The following MAST2 variants were observed in gnomAD, a reference collection of about 807,000 sequenced individuals.
MAST2 encodes the protein microtubule-associated serine/threonine-protein kinase 2.
A neutral mutation model predicts 147.4 loss-of-function variants in MAST2; 70 were observed. The ratio of observed to expected loss-of-function variants is 0.47; its 90% CI spans 0.39 to 0.58. The LOEUF (loss-of-function observed/expected upper bound fraction) is 0.58. MAST2 is among the 20% of genes least tolerant of loss of function. The pLI is 0.00. For synonymous variants in MAST2, 869 were observed against 896.8 expected (o/e 0.97, Z 0.55); for missense variants, 2,080 against 2,302.3 (o/e 0.90, Z 1.98).
intron 10 of MAST2, among the ~76,000 whole-genome samples, chr1:46,014,237 C>T (rs1199477561): frequency 6.6e-6 from 1 of 151,602 alleles, no homozygotes; most frequent in Non-Finnish European, 1.5e-5. Flanking sequence ...AGGTTAGTTA[C>T]ATATGTATAC....
At chr1:46,028,741 G>A in intron 17 of MAST2, 27 bp from the exon 18 acceptor site, 1 of 1,613,626 alleles carries the variant, frequency 6.2e-7, no homozygotes, top group African/African-American at 1.3e-5. Context: ...TCAGGAGGCT[G>A]AGCCAGCCTG....
intron 10 of MAST2, among the ~76,000 whole-genome samples, chr1:46,012,856 G>A (rs141472597): frequency 6.6e-6 from 1 of 152,052 alleles, no homozygotes; most frequent in African/African-American, 2.4e-5. Context: ...TCACCATGTT[G>A]GCCAGGCTGG....
At chr1:45,905,252 C>T (rs1049657100) in intron 4 of MAST2, among the ~76,000 whole-genome samples, 1 of 150,462 alleles carries the variant, frequency 6.6e-6, no homozygotes, top group Admixed American at 6.6e-5. Context: ...TCTCAGCTCA[C>T]TGCAACCTCC....
intron 4 of MAST2, among the ~76,000 whole-genome samples, chr1:45,958,101 ATTCCAT>A (rs1312078071): frequency 7.9e-5 from 12 of 152,124 alleles, no homozygotes; most frequent in Non-Finnish European, 1.5e-5. Context: ...AGTGGAAGGC[ATTCCAT>A]GGTGACTGAG....
intron 4 of MAST2, among the ~76,000 whole-genome samples, chr1:45,886,971 G>C (rs143313137): frequency 6.6e-6 from 1 of 152,106 alleles, no homozygotes; most frequent in Non-Finnish European, 1.5e-5. Context: ...GGCACCACAG[G>C]CACCTGCCAC....
chr1:45,909,751 C>T (rs547557607), intron 4 of MAST2, among the ~76,000 whole-genome samples: 5 of 152,234 alleles, frequency 3.3e-5, no homozygotes, highest in African/African-American at 9.6e-5. Flanking sequence ...CTCTTGACCT[C>T]GTGATCCACC....
intron 4 of MAST2, among the ~76,000 whole-genome samples, chr1:45,929,006 G>A (rs984547810): frequency 1.8e-4 from 28 of 151,982 alleles, no homozygotes; most frequent in Admixed American, 3.3e-4. Flanking sequence ...TGGTTTGGTT[G>A]GGTTGAGGGG....
chr1:46,021,708 G>A (rs1184843681), intron 11 of MAST2, among the ~76,000 whole-genome samples: 2 of 152,232 alleles, frequency 1.3e-5, no homozygotes, highest in Non-Finnish European at 2.9e-5. Flanking sequence ...AAAACCTCTA[G>A]TTCTTACTGC....
At chr1:45,976,647 C>G (rs114864544) in intron 5 of MAST2, among the ~76,000 whole-genome samples, 1 of 152,004 alleles carries the variant, frequency 6.6e-6, no homozygotes, top group African/African-American at 2.4e-5. Flanking sequence ...GTGAATTGTA[C>G]GATAAAAATG....
At chr1:45,961,726 C>T (rs748609230) in intron 5 of MAST2, among the ~76,000 whole-genome samples, 10 of 152,194 alleles carry the variant, frequency 6.6e-5, no homozygotes, top group Non-Finnish European at 1.3e-4. Flanking sequence ...GATTGTTCCA[C>T]GCAGATCCCA....
rs556276100 is a variant in MAST2, at chr1:45,907,080, A to G, written c.500+24685A>G. ...TAGGCTATACCATCTAGGTTTATGC[A>G]GGTATACTCCATGATGTTCACATAA... On this transcript the variant is annotated intron_variant, in intron 4 of 28. Transcript: ENST00000361297. 5.3e-5 allele frequency among the ~76,000 whole-genome samples: 8 copies of G among 152,314 alleles called. No individual in the cohort carries two copies. The South Asian group carries it at 1.2e-3, about 24-fold the overall frequency.
intron 4 of MAST2, among the ~76,000 whole-genome samples, chr1:45,902,761 T>A (rs1649998599): frequency 6.6e-6 from 1 of 152,160 alleles, no homozygotes; most frequent in Non-Finnish European, 1.5e-5. Context: ...TTTCTCTGGT[T>A]TATGCTCATA....
intron 6 of MAST2, among the ~76,000 whole-genome samples, chr1:46,002,114 G>A (rs959956934): frequency 4.6e-5 from 7 of 152,088 alleles, no homozygotes; most frequent in Non-Finnish European, 7.4e-5. Flanking sequence ...GCGGGGTGGG[G>A]GGGCATGTTT....
intron 5 of MAST2, among the ~76,000 whole-genome samples, chr1:45,977,698 G>T (rs976613414): frequency 6.6e-5 from 10 of 151,746 alleles, no homozygotes; most frequent in Admixed American, 2.0e-4. Flanking sequence ...TACTCGGGAG[G>T]CTGAGGCAGG....
intron 4 of MAST2, among the ~76,000 whole-genome samples, chr1:45,954,873 G>A (rs2148883543): frequency 6.6e-6 from 1 of 152,278 alleles, no homozygotes; most frequent in Non-Finnish European, 1.5e-5. Flanking sequence ...TAAGGTTAAG[G>A]CAAATGAAGC....
chr1:46,020,436 G>A (rs192346103), intron 11 of MAST2, among the ~76,000 whole-genome samples: 6 of 152,210 alleles, frequency 3.9e-5, no homozygotes, highest in African/African-American at 7.2e-5. Context: ...TCGGGTTCTC[G>A]GCTCTGGAGT....
chr1:45,947,306 TAA>T (rs55827908), intron 4 of MAST2, among the ~76,000 whole-genome samples: 42,031 of 111,758 alleles, frequency 0.38, 7,107 homozygotes, highest in East Asian at 0.65. Context: ...TGATGAGCTT[TAA>T]AAAAAAAAAA....
chr1:45,979,845 C>CA (rs1302911529), intron 5 of MAST2, among the ~76,000 whole-genome samples: 3 of 151,442 alleles, frequency 2.0e-5, no homozygotes, highest in African/African-American at 4.8e-5. Flanking sequence ...CCAAAACAAA[C>CA]AAAAAAAAGT....
chr1:45,808,606 A>C (rs1644207523), intron 1 of MAST2, among the ~76,000 whole-genome samples: 5 of 152,082 alleles, frequency 3.3e-5, no homozygotes, highest in Admixed American at 3.3e-4. Context: ...TCAAACCATT[A>C]TTCCCATTGT....
Sources: gnomAD v4.1 joint callset for allele counts (sites outside exome capture counted in the v4.1 genomes callset) on GRCh38, gnomAD v4.1.1 for gene constraint, MANE v1.5 for transcripts, NCBI Gene and HGNC (gene_info 2026-07-23, HGNC 2026-07-21) for gene names.